RAD51B: variants seen among roughly 807,000 people sequenced by gnomAD.
RAD51B encodes RAD51 paralog B.
A neutral mutation model predicts 42.2 loss-of-function variants in RAD51B; 38 were observed. The ratio of observed to expected loss-of-function variants is 0.90; its 90% CI spans 0.70 to 1.18. The LOEUF (loss-of-function observed/expected upper bound fraction) is 1.18. Among genes scored for constraint, RAD51B ranks in the 50% most tolerant of loss-of-function variants. The probability of loss-of-function intolerance (pLI) is 0.00; values close to 1 mark genes in which losing one functional copy is unlikely to be tolerated. For missense variants in RAD51B, 373 were observed against 400.7 expected (o/e 0.93, Z 0.59); for synonymous variants, 154 against 145.2 (o/e 1.06, Z -0.43).
chr14:68,501,021 CAGAGTTT>C (rs1884882936), intron 10 of RAD51B, among the ~76,000 whole-genome samples: 2 of 152,170 alleles, frequency 1.3e-5, no homozygotes, highest in Non-Finnish European at 2.9e-5. Context: ...GTCATGTTTT[CAGAGTTT>C]TGGGAGATCT....
chr14:67,823,517 CTTCTT>C lies in RAD51B; in HGVS notation c.-2-18_-2-14del. The C allele has an allele frequency of 1.3e-6, 2 of 1,598,122 alleles. No homozygotes were observed. Among genetic ancestry groups the C allele is most frequent in the Non-Finnish European group, 1.7e-6 (2 of 1,170,774 alleles). The stretch of plus-strand genomic sequence containing the variant: ...ATATTCTGTTGTTTTTTTCATGGTT[CTTCTT>C]TTCTTTGCTGGATCTGGAGGCATGG... On this transcript the variant is annotated intron_variant, in intron 1 of 10. Transcript: ENST00000471583.
At chr14:68,480,307 C>A (rs1883073840), downstream of RAD51B, among the ~76,000 whole-genome samples, 1 of 152,154 alleles carries the variant, frequency 6.6e-6, no homozygotes, top group African/African-American at 2.4e-5. Context: ...GAACTCCTGT[C>A]CTCAGGAGAT....
At chr14:68,581,237 C>G (rs1890196109) in intron 10 of RAD51B, among the ~76,000 whole-genome samples, 1 of 152,168 alleles carries the variant, frequency 6.6e-6, no homozygotes, top group African/African-American at 2.4e-5. Flanking sequence ...GCACCACATT[C>G]TCCCATGATG....
chr14:68,649,127 T>C (rs1218157240), intron 10 of RAD51B, among the ~76,000 whole-genome samples: 2 of 152,178 alleles, frequency 1.3e-5, no homozygotes, highest in Admixed American at 6.5e-5. Flanking sequence ...ATTGGATTCC[T>C]TGGGCACATT....
At chr14:67,931,500 C>CT (rs539507230) in intron 7 of RAD51B, among the ~76,000 whole-genome samples, 2,015 of 117,558 alleles carry the variant, frequency 0.017, 33 homozygotes, top group Non-Finnish European at 0.025. Context: ...TCTGGGATTT[C>CT]TTTTTTTTTT....
intron 3 of RAD51B, among the ~76,000 whole-genome samples, chr14:67,833,303 G>A (rs1476886012): frequency 6.6e-6 from 1 of 152,178 alleles, no homozygotes; most frequent in Non-Finnish European, 1.5e-5. Flanking sequence ...TTGAACCCAG[G>A]AAGTGGAGGT....
At chr14:68,072,110 A>T (rs928492128) in intron 7 of RAD51B, among the ~76,000 whole-genome samples, 5 of 109,834 alleles carry the variant, frequency 4.6e-5, no homozygotes, top group Non-Finnish European at 7.5e-5. Context: ...ATAAAATATA[A>T]AAAATATATA....
At chr14:68,682,878 T>C in intron 11 of RAD51B, 1 of 920,944 alleles carries the variant, frequency 1.1e-6, no homozygotes, top group Non-Finnish European at 1.3e-6. Context: ...CACAAGGCTT[T>C]TTTTTTTTTA....
At chr14:68,099,238 G>A (rs1304425988) in intron 7 of RAD51B, among the ~76,000 whole-genome samples, 2 of 152,114 alleles carry the variant, frequency 1.3e-5, no homozygotes, top group African/African-American at 4.8e-5. Context: ...CTGGTCCTGG[G>A]GACAGATCCC....
At chr14:68,650,433 G>A (rs1185252241) in intron 10 of RAD51B, among the ~76,000 whole-genome samples, 3 of 152,218 alleles carry the variant, frequency 2.0e-5, no homozygotes, top group African/African-American at 7.2e-5. Context: ...TTTAATCACA[G>A]TACCAGCCTG....
intron 10 of RAD51B, among the ~76,000 whole-genome samples, chr14:68,589,145 C>T (rs760645323): frequency 2.0e-5 from 3 of 151,994 alleles, no homozygotes; most frequent in Non-Finnish European, 2.9e-5. Flanking sequence ...GAATTACTGG[C>T]GGATTAAGTA....
At chr14:68,641,864 A>AT (rs34111115) in intron 10 of RAD51B, among the ~76,000 whole-genome samples, 77,163 of 146,250 alleles carry the variant, frequency 0.53, 21,307 homozygotes, top group East Asian at 0.94. Context: ...CCTGGCTGGG[A>AT]TTTTTTTTTT....
intron 8 of RAD51B, among the ~76,000 whole-genome samples, chr14:68,313,412 C>A (rs1460362875): frequency 6.6e-6 from 1 of 152,158 alleles, no homozygotes; most frequent in Non-Finnish European, 1.5e-5. Flanking sequence ...AACGGCATTT[C>A]TGTCTTTCAT....
intron 4 of RAD51B, among the ~76,000 whole-genome samples, chr14:67,844,918 T>C (rs1417268074): frequency 6.6e-6 from 1 of 152,216 alleles, no homozygotes; most frequent in African/African-American, 2.4e-5. Context: ...TCTGTTATAA[T>C]AGCAACCCCT....
At chr14:68,446,015 C>A (rs559958598) in intron 9 of RAD51B, among the ~76,000 whole-genome samples, 1 of 152,234 alleles carries the variant, frequency 6.6e-6, no homozygotes, top group Admixed American at 6.5e-5. Context: ...TAAATTATAG[C>A]TATGCAACTT....
At position 68,419,635 on chromosome 14, in the gene RAD51B, A is replaced by G. The variant is rs1263098077; in HGVS notation, c.957+8108A>G. 2.6e-5 allele frequency among the ~76,000 whole-genome samples: 4 copies of G among 152,180 alleles called. No individual in the cohort carries two copies. The East Asian group carries it at 7.7e-4, about 29-fold the overall frequency. ...TGGCTATGCTACCGCTCTCCTACAG[A>G]CAGCCATTTGTGCTCATGGACATCT... On this transcript the variant is annotated intron_variant, in intron 9 of 10. Transcript: ENST00000471583.
At chr14:67,862,136 T>A (rs756782036) in intron 4 of RAD51B, among the ~76,000 whole-genome samples, 2 of 152,048 alleles carry the variant, frequency 1.3e-5, no homozygotes, top group African/African-American at 2.4e-5. Flanking sequence ...ATTTTAAATG[T>A]TCCCACCAAA....
intron 10 of RAD51B, among the ~76,000 whole-genome samples, chr14:68,645,591 T>C (rs948545545): frequency 2.0e-5 from 3 of 152,242 alleles, no homozygotes; most frequent in African/African-American, 4.8e-5. Context: ...TTTTCCACAA[T>C]GGCTGTACCA....
intron 7 of RAD51B, among the ~76,000 whole-genome samples, chr14:68,206,281 A>G (rs1411224029): frequency 1.3e-5 from 2 of 152,152 alleles, no homozygotes; most frequent in African/African-American, 4.8e-5. Flanking sequence ...TTTGATCTCC[A>G]GGTCAAGGCA....
Sources: allele counts gnomAD v4.1 joint callset (sites outside exome capture counted in the v4.1 genomes callset), GRCh38; gene constraint gnomAD v4.1.1; transcripts MANE v1.5; gene names NCBI Gene and HGNC (gene_info 2026-07-23, HGNC 2026-07-21).